The following GALE variants were observed in gnomAD, a reference collection of about 807,000 sequenced individuals.
The protein encoded by GALE is UDP-glucose 4-epimerase.
A neutral mutation model predicts 44.1 loss-of-function variants in GALE; 32 were observed. That is an observed-to-expected ratio of 0.73 (90% confidence interval 0.55 to 0.97). The LOEUF (loss-of-function observed/expected upper bound fraction) is 0.97. GALE is among the 50% of genes least tolerant of loss of function. The pLI is 0.00. For synonymous variants in GALE, 182 were observed against 183.5 expected, an observed-to-expected ratio of 0.99 and a Z score of 0.06; for missense variants, 423 against 455.6, an observed-to-expected ratio of 0.93 and a Z score of 0.65.
chr1:23,796,560 G>T lies in GALE; in HGVS notation c.822C>A (p.Gly274=). ...CRIYNLGTGT[G]YSVLQMVQAM... ...CCTGGACCATCTGCAGCACTGAATA[G>T]CCTGTGCCCGTGCCCAGGTTGTAGA... The change falls in exon 10 of 12, where the codon GGC becomes GGA. Residue 274 remains glycine, a synonymous_variant. Coordinates refer to ENST00000617979, the MANE Select transcript of GALE (RefSeq NM_001008216.2). This position sits in a 1 kb window ranked among gnomAD's most constrained non-coding sequence, Gnocchi z 5.2. The T allele has an allele frequency of 3.1e-6, 5 of 1,614,114 alleles. No homozygotes were observed. The highest frequency in any genetic ancestry group is 4.2e-6 in the Non-Finnish European group (5 of 1,180,024).
chr1:23,796,560 G>C lies in GALE; in HGVS notation c.822C>G (p.Gly274=), dbSNP rs915303855. The C allele has an allele frequency of 6.2e-7, 1 of 1,614,114 alleles. No individual in the cohort carries two copies. The change falls in exon 10 of 12, where the codon GGC becomes GGG. Residue 274 remains glycine, a synonymous_variant. Transcript: ENST00000617979. This position sits in a 1 kb window ranked among gnomAD's most constrained non-coding sequence, Gnocchi z 5.2. ...CRIYNLGTGT[G]YSVLQMVQAM... is the part of the protein sequence containing the mutation. ...CCTGGACCATCTGCAGCACTGAATA[G>C]CCTGTGCCCGTGCCCAGGTTGTAGA...
In GALE at chr1:23,798,836, T is replaced by C. The variant is rs755457329; in HGVS notation, c.121+51A>G. On this transcript the variant is annotated intron_variant, in intron 3 of 11. Coordinates refer to ENST00000617979, the MANE Select transcript of GALE (RefSeq NM_001008216.2). The surrounding 1 kb of genome is among the most constrained non-coding windows in gnomAD (Gnocchi z 4.5). ...CCGGTGGTGGAGGTGGAACCCAGGG[T>C]TTTGCTTCTGCCATCCCCTCAAGTA... The C allele has an allele frequency of 2.5e-6, 4 of 1,613,296 alleles. No individual in the cohort carries two copies. Among genetic ancestry groups the C allele is most frequent in the Non-Finnish European group, 3.4e-6 (4 of 1,179,558 alleles).
chr1:23,799,906 G>GAC (rs1229772691), intron 1 of GALE: 2 of 152,556 alleles, frequency 1.3e-5, no homozygotes, highest in African/African-American at 4.8e-5. Context: ...GGAAGCCCCA[G>GAC]ACACTGAGGC....
Position 23,795,962 on chromosome 1 carries a change from C to T in GALE, c.1034G>A (p.Gly345Asp), listed in dbSNP as rs141944470. The change falls in exon 12 of 12, where the codon GGC becomes GAC. Residue 345 changes from glycine to aspartate, a missense_variant. By Grantham distance (94) the Gly-to-Asp change is moderately conservative. Transcript: ENST00000617979. ...AGGGGAGGGTCCTCAGGCTTGCGTG[C>T]CAAAGCCTGAAGGATTCTGCTTCTG... ...RWQKQNPSGF[G>D]TQA is the part of the protein sequence containing the mutation. The T allele has an allele frequency of 1.9e-6, 3 of 1,613,854 alleles. No homozygotes were observed. In the African/African-American group the frequency reaches 4.0e-5, roughly 22 times the overall value.
Position 23,799,383 on chromosome 1 carries a change from T to TAC in GALE, c.-24_-23insGT. 1.2e-5 allele frequency: 4 copies of TAC among 342,442 alleles called. No homozygotes were observed. Among genetic ancestry groups the TAC allele is most frequent in the South Asian group, 4.8e-5 (2 of 41,872 alleles). 21.2% of individuals were successfully genotyped at this position (342,442 alleles called of 1,614,324 possible). A position where few individuals can be genotyped will look rare whatever the true frequency, so the allele number is the denominator to read the frequency against. On this transcript the variant is annotated 5_prime_UTR_variant, in exon 2 of 12. Coordinates refer to ENST00000617979, the MANE Select transcript of GALE (RefSeq NM_001008216.2). ...CCACTTGCCTTGGAGTTGGAAAAGA[T>TAC]GGAATCTGAGGATCCACACTTCTTT...
intron 6 of GALE, 140 bp downstream of exon 6, chr1:23,797,555 G>A (rs1302970589): frequency 2.4e-6 from 2 of 817,986 alleles, no homozygotes; most frequent in East Asian, 2.6e-5. Flanking sequence ...ACAAGCAGGG[G>A]ATGGGGCCCT....
rs1218971935 is a variant in GALE, at chr1:23,796,394, G to C, written c.873+115C>G. 6.3e-6 allele frequency: 9 copies of C among 1,425,664 alleles called. No individual in the cohort carries two copies. The East Asian group carries it at 1.6e-4, about 26-fold the overall frequency. The allele number at this position is 1,425,664 out of a possible 1,614,324, so 88.3% of individuals were successfully genotyped here. On this transcript the variant is annotated intron_variant, in intron 10 of 11. Transcript: ENST00000617979. The surrounding 1 kb of genome is among the most constrained non-coding windows in gnomAD (Gnocchi z 5.2). ...CACCGGGTGCTAGGCAGGCTGAGGA[G>C]ACTGGGCAGTGCCAGGTACCCTCCA...
Position 23,796,629 on chromosome 1 carries a change from CCA to C in GALE, c.796-45_796-44del, listed in dbSNP as rs1638964647. ...GGGTTTATGGAGCGGGCTGGACTGA[CCA>C]CGCCTCTGGGCCGCTCTGCCTGGAT... On this transcript the variant is annotated intron_variant, in intron 9 of 11. Transcript: ENST00000617979. This position sits in a 1 kb window ranked among gnomAD's most constrained non-coding sequence, Gnocchi z 5.2. 6.2e-7 allele frequency: 1 copy of C among 1,614,006 alleles called. No homozygotes were observed. Among genetic ancestry groups the C allele is most frequent in the Admixed American group, 1.7e-5 (1 of 59,992 alleles).
chr1:23,797,347 T>C (rs1009775007), intron 6 of GALE, among the ~76,000 whole-genome samples, 200 bp from the exon 7 acceptor site: 4 of 152,108 alleles, frequency 2.6e-5, no homozygotes, highest in African/African-American at 9.7e-5. Context: ...GCCTCCCGAA[T>C]AGCTGGGACC....
chr1:23,797,246 G>T, intron 6 of GALE, 99 bp from the exon 7 acceptor site: 1 of 846,428 alleles, frequency 1.2e-6, no homozygotes. Flanking sequence ...TTTTGAGATG[G>T]AGTCTCACTA....
At position 23,796,742 on chromosome 1, in the gene GALE, GC is replaced by G. The variant is rs1570630665; in HGVS notation, c.749del (p.Gly250AlafsTer6). 2 of 1,612,662 alleles carry G rather than the reference GC, an allele frequency of 1.2e-6. No homozygotes were observed. Among genetic ancestry groups the G allele is most frequent in the Non-Finnish European group, 1.7e-6 (2 of 1,179,342 alleles). Reference protein sequence around the residue: ...DYIHVVDLAKGHIAALRKLKE... With the variant: ...DYIHVVDLAKXHIAALRKLKE... ...TCAGCTTCCTTAAGGCTGCAATGTGGCCCTTGGCCAGATCCACGACATGGAT... is the reference window on the plus strand; with the variant it reads ...TCAGCTTCCTTAAGGCTGCAATGTGGCCTTGGCCAGATCCACGACATGGAT... On this transcript the variant is annotated frameshift_variant, in exon 9 of 12. Transcript: ENST00000617979. LOFTEE classifies it high-confidence loss of function. This position sits in a 1 kb window ranked among gnomAD's most constrained non-coding sequence, Gnocchi z 5.2.
rs770954881 is a variant in GALE, at chr1:23,795,995, C to T, written c.1001G>A (p.Trp334Ter). Residue 334 changes from tryptophan (W) to a stop codon, truncating the protein, a stop_gained, in exon 12 of 12, where the codon TGG (tryptophan) becomes TAG (stop). Transcript: ENST00000617979. LOFTEE classifies it high-confidence loss of function. ...LGLDRMCEDL[W>*]RWQKQNPSGF... ...TGAAGGATTCTGCTTCTGCCAGCGC[C>T]AGAGATCCTCACCTGCAACACGGCG... 2 of 1,613,910 alleles carry T rather than the reference C, an allele frequency of 1.2e-6. No homozygotes were observed. Among genetic ancestry groups the T allele is most frequent in the African/African-American group, 1.3e-5 (1 of 74,936 alleles).
At position 23,795,721 on chromosome 1, in the gene GALE, G is replaced by A; in HGVS notation, c.*228C>T. On this transcript the variant is annotated 3_prime_UTR_variant, in exon 12 of 12. Coordinates refer to ENST00000617979, the MANE Select transcript of GALE (RefSeq NM_001008216.2). ...AGCCTTGCCCCCTCACTCACTCTTG[G>A]GGGTCCTGATGAACTCTTGGACCCT... is the stretch of plus-strand genomic sequence containing the variant. 1 of 603,270 alleles carries A rather than the reference G, an allele frequency of 1.7e-6. No homozygotes were observed. Among genetic ancestry groups the A allele is most frequent in the South Asian group, 2.0e-5 (1 of 50,554 alleles). The allele number at this position is 603,270 out of a possible 1,614,324, so 37.4% of individuals were successfully genotyped here.
Position 23,798,574 on chromosome 1 carries a change from G to C in GALE, c.237+41C>G. On this transcript the variant is annotated intron_variant, in intron 4 of 11. Coordinates refer to ENST00000617979, the MANE Select transcript of GALE (RefSeq NM_001008216.2). This position sits in a 1 kb window ranked among gnomAD's most constrained non-coding sequence, Gnocchi z 4.5. ...CCTCACCTCGGCCTTCCAAAGTGCT[G>C]GAATTACAGGCGTGAGCCACCGTGC... 6.9e-7 allele frequency: 1 copy of C among 1,444,476 alleles called. No homozygotes were observed. The highest frequency in any genetic ancestry group is 9.7e-7 in the Non-Finnish European group (1 of 1,027,172). 89.5% of individuals were successfully genotyped at this position (1,444,476 alleles called of 1,614,324 possible).
rs1449662227 is a variant in GALE, at chr1:23,796,159, T to A, written c.980A>T (p.Asp327Val). 2 of 1,613,304 alleles carry A rather than the reference T, an allele frequency of 1.2e-6. No individual in the cohort carries two copies. Residue 327 changes from aspartate (D) to valine (V), a missense_variant, in exon 11 of 12, where the codon GAC becomes GTC. Asp to Val is a radical substitution (Grantham distance 152). Transcript: ENST00000617979. This position sits in a 1 kb window ranked among gnomAD's most constrained non-coding sequence, Gnocchi z 5.2. ...ELGWTAALGLDRMCEDLWRWQ... is the reference protein window; with the variant it reads ...ELGWTAALGLVRMCEDLWRWQ... ...GTCAGGCCAGCACTCACACATCCTG[T>A]CCAGCCCTAAGGCTGCTGTCCACCC...
chr1:23,798,459 C>A lies in GALE; in HGVS notation c.237+156G>T. The A allele has an allele frequency of 1.4e-6, 1 of 701,508 alleles. No individual in the cohort carries two copies. The highest frequency in any genetic ancestry group is 1.6e-5 in the South Asian group (1 of 62,308). 43.5% of individuals were successfully genotyped at this position (701,508 alleles called of 1,614,324 possible). On this transcript the variant is annotated intron_variant, in intron 4 of 11. Coordinates refer to ENST00000617979, the MANE Select transcript of GALE (RefSeq NM_001008216.2). This position sits in a 1 kb window ranked among gnomAD's most constrained non-coding sequence, Gnocchi z 4.5. ...AGCTGGGACCACAGGTATGGGCTAC[C>A]ATGCCCAGCTAATTTTTGTATTTTT...
In GALE at chr1:23,796,701, C is replaced by T. The variant is rs1638967250; in HGVS notation, c.791G>A (p.Cys264Tyr). ...ACTTCTCCCTTCTCTTCCTACCCGG[C>T]AGCCACACTGTTCTTTCAGCTTCCT... ...ALRKLKEQCG[C>Y]RIYNLGTGTG... Residue 264 changes from cysteine (C) to tyrosine (Y), a missense_variant, in exon 9 of 12, where the codon TGC becomes TAC. Cys to Tyr is a radical substitution (Grantham distance 194). Coordinates refer to ENST00000617979, the MANE Select transcript of GALE (RefSeq NM_001008216.2). This position sits in a 1 kb window ranked among gnomAD's most constrained non-coding sequence, Gnocchi z 5.2. 1.9e-6 allele frequency: 3 copies of T among 1,613,262 alleles called. No individual in the cohort carries two copies. The highest frequency in any genetic ancestry group is 1.7e-5 in the Admixed American group (1 of 59,838).
At chr1:23,799,121 C>T (rs1639055899) in intron 2 of GALE, 109 bp from the exon 3 acceptor site, 12 of 1,441,138 alleles carry the variant, frequency 8.3e-6, no homozygotes, top group Non-Finnish European at 1.2e-5. Flanking sequence ...CGGCAGTGTG[C>T]CCTAGGTACC....
chr1:23,796,155 C>T lies in GALE; in HGVS notation c.984G>A (p.Arg328=). ...LGWTAALGLD[R]MCEDLWRWQK... ...AGGGGTCAGGCCAGCACTCACACAT[C>T]CTGTCCAGCCCTAAGGCTGCTGTCC... Residue 328 remains arginine (R), a synonymous_variant, in exon 11 of 12, where the codon AGG becomes AGA. Transcript: ENST00000617979. The surrounding 1 kb of genome is among the most constrained non-coding windows in gnomAD (Gnocchi z 5.2). The T allele has an allele frequency of 6.2e-7, 1 of 1,613,384 alleles. No homozygotes were observed. The highest frequency in any genetic ancestry group is 2.2e-5 in the East Asian group (1 of 44,884).
Sources: allele counts gnomAD v4.1 joint callset (sites outside exome capture counted in the v4.1 genomes callset), GRCh38; gene constraint gnomAD v4.1.1; non-coding constraint Gnocchi (gnomAD v3.1); transcripts MANE v1.5; gene names NCBI Gene and HGNC (gene_info 2026-07-23, HGNC 2026-07-21).